ZFHX3: variants seen among roughly 807,000 people sequenced by gnomAD.
ZFHX3 encodes zinc finger homeobox protein 3.
Under a neutral mutation model 279.1 loss-of-function variants are expected in ZFHX3, and 42 were observed. The observed-to-expected ratio is 0.15, with a 90% CI of 0.12 to 0.19. The LOEUF is 0.19. Ranked by LOEUF, ZFHX3 falls within the 10% of genes least tolerant of loss-of-function variation. The pLI is 1.00. For synonymous variants in ZFHX3, 2,293 were observed against 1,957.8 expected, an observed-to-expected ratio of 1.17 and a Z score of -4.52; for missense variants, 4,981 against 4,754.0, an observed-to-expected ratio of 1.05 and a Z score of -1.40.
intron 4 of ZFHX3, among the ~76,000 whole-genome samples, chr16:72,859,586 G>T (rs1381698400): frequency 6.6e-6 from 1 of 152,154 alleles, no homozygotes; most frequent in South Asian, 2.1e-4. Context: ...AGACGTTTAG[G>T]GATTTGAAAT....
intron 1 of ZFHX3, among the ~76,000 whole-genome samples, chr16:73,761,275 CA>C (rs2053863343): frequency 6.6e-6 from 1 of 151,998 alleles, no homozygotes; most frequent in Non-Finnish European, 1.5e-5. Flanking sequence ...ATACAGCTAA[CA>C]GGGGAAGTGA....
chr16:73,218,092 A>G (rs969016673), intron 5 of ZFHX3, among the ~76,000 whole-genome samples: 2 of 152,088 alleles, frequency 1.3e-5, no homozygotes, highest in African/African-American at 2.4e-5. Flanking sequence ...CAGTGATTCC[A>G]TATTTAGTGT....
chr16:73,831,972 C>T lies in ZFHX3; in HGVS notation c.-1608+59679G>A, dbSNP rs1421977851. Among the ~76,000 whole-genome samples, 5 of 152,300 alleles carry T rather than the reference C, an allele frequency of 3.3e-5. No homozygotes were observed. In the East Asian group the frequency reaches 9.7e-4, roughly 29 times the overall value. On this transcript the variant is annotated intron_variant, in intron 1 of 17. Transcript: ENST00000641206. The stretch of plus-strand genomic sequence containing the variant: ...CTGGAGTGCAGTGGCATGATCTTGG[C>T]TCACTGCAACCTCTGCCGCCCGGGT...
Position 72,941,015 on chromosome 16 carries a change from T to C in ZFHX3, c.3216+9454A>G, listed in dbSNP as rs543845972. Among the ~76,000 whole-genome samples, 6 of 152,346 alleles carry C rather than the reference T, an allele frequency of 3.9e-5. No individual in the cohort carries two copies. In the South Asian group the frequency reaches 1.2e-3, roughly 32 times the overall value. ...AATGCTCACGTGCTGTGAATTTTCA[T>C]GGTCTACATATAAGTAACCAGTGCA... On this transcript the variant is annotated intron_variant, in intron 3 of 9. Transcript: ENST00000268489.
chr16:73,521,153 C>A (rs1279608466), intron 2 of ZFHX3, among the ~76,000 whole-genome samples: 1 of 152,156 alleles, frequency 6.6e-6, no homozygotes, highest in East Asian at 1.9e-4. Flanking sequence ...CAAGCTTAAA[C>A]TATGTCTTGT....
intron 3 of ZFHX3, among the ~76,000 whole-genome samples, chr16:73,360,013 G>C (rs1323491678): frequency 6.6e-6 from 1 of 152,150 alleles, no homozygotes; most frequent in Non-Finnish European, 1.5e-5. Flanking sequence ...ACATAATGCA[G>C]TGATTGAGTG....
At chr16:73,572,051 A>T (rs2051743790) in intron 2 of ZFHX3, among the ~76,000 whole-genome samples, 1 of 152,124 alleles carries the variant, frequency 6.6e-6, no homozygotes, top group African/African-American at 2.4e-5. Context: ...AGGAGTTTTA[A>T]CACAAGCCTC....
chr16:73,016,677 C>G (rs11860416), intron 1 of ZFHX3, among the ~76,000 whole-genome samples: 8,601 of 152,096 alleles, frequency 0.057, 578 homozygotes, highest in East Asian at 0.3. Context: ...AGCCCTTACA[C>G]CAGAGTTGAC....
intron 1 of ZFHX3, among the ~76,000 whole-genome samples, chr16:72,996,636 C>T (rs916093590): frequency 3.9e-5 from 6 of 152,210 alleles, no homozygotes; most frequent in African/African-American, 1.4e-4. Context: ...GGGCTGGGGG[C>T]GTGGGAACCC....
chr16:73,429,924 G>A (rs1177506035), intron 3 of ZFHX3, among the ~76,000 whole-genome samples: 1 of 152,110 alleles, frequency 6.6e-6, no homozygotes, highest in Admixed American at 6.5e-5. Context: ...GCCTTGCTCT[G>A]TCGCCCAGGC....
intron 1 of ZFHX3, among the ~76,000 whole-genome samples, chr16:73,839,724 C>T (rs1000414538): frequency 2.6e-5 from 4 of 152,158 alleles, no homozygotes; most frequent in Admixed American, 1.3e-4. Flanking sequence ...ATGGTTCCTC[C>T]GCACCCGTGA....
At chr16:72,933,493 AC>A (rs1364796467) in intron 3 of ZFHX3, among the ~76,000 whole-genome samples, 2 of 152,126 alleles carry the variant, frequency 1.3e-5, no homozygotes, top group Non-Finnish European at 2.9e-5. Flanking sequence ...AAAAAATCAT[AC>A]AGTAGACACT....
At position 73,432,387 on chromosome 16, in the gene ZFHX3, T is replaced by C. The variant is rs544655179; in HGVS notation, c.-1291+23616A>G. ...AGACTGGATATTGAAACAGACAATA[T>C]AAAGCAGATCAATTGGAGTGAGACT... On this transcript the variant is annotated intron_variant, in intron 3 of 17. Coordinates refer to the ZFHX3 transcript ENST00000641206. Among the ~76,000 whole-genome samples, 42 of 152,194 alleles carry C rather than the reference T, an allele frequency of 2.8e-4. 1 individual carries two copies. The highest frequency in any genetic ancestry group is 9.4e-4 in the African/African-American group (39 of 41,524).
rs2035443638 is a variant in ZFHX3 at position 72,787,410 on chromosome 16, G to A, written c.10866C>T (p.Ser3622=). The change falls in exon 10 of 10, where the codon TCC becomes TCT. Residue 3622 remains serine (S), a synonymous_variant. Coordinates refer to ENST00000268489, the MANE Select transcript of ZFHX3 (RefSeq NM_006885.4). ...AAGGGGGCTTCGCTGCCGAAGCCCG[G>A]GAGACCACTTGCGGCCAAGACTTCC... The part of the protein sequence containing the change: ...ASRKSWPQVV[S]RASAAKPPSF... 1.9e-6 allele frequency: 3 copies of A among 1,603,788 alleles called. No individual in the cohort carries two copies. In the African/African-American group the frequency reaches 4.0e-5, roughly 22 times the overall value.
At chr16:73,860,447 C>A (rs1028826207) in intron 1 of ZFHX3, among the ~76,000 whole-genome samples, 1 of 150,774 alleles carries the variant, frequency 6.6e-6, no homozygotes, top group African/African-American at 2.4e-5. Flanking sequence ...TAGTAAAGCA[C>A]TTGAGTTCTA....
intron 5 of ZFHX3, among the ~76,000 whole-genome samples, chr16:72,823,136 T>A (rs1353627710): frequency 6.6e-6 from 1 of 152,038 alleles, no homozygotes; most frequent in Non-Finnish European, 1.5e-5. Flanking sequence ...CTGGAAAAGG[T>A]GACACAGTCA....
At chr16:73,702,213 G>C (rs2053255290) in intron 1 of ZFHX3, among the ~76,000 whole-genome samples, 1 of 152,076 alleles carries the variant, frequency 6.6e-6, no homozygotes. Flanking sequence ...GGTGGCAAAA[G>C]ACTGCCATAG....
Position 73,240,617 on chromosome 16 carries a change from A to G in ZFHX3, c.-1104+16430T>C, listed in dbSNP as rs552877719. 3.8e-4 allele frequency among the ~76,000 whole-genome samples: 58 copies of G among 152,182 alleles called. 1 individual carries two copies. The highest frequency in any genetic ancestry group is 5.1e-4 in the Non-Finnish European group (35 of 68,026). ...ACACTTGTTTATAGTATGAGAGATA[A>G]AACAGGAAGCAGACCCTTATTTGAC... On this transcript the variant is annotated intron_variant, in intron 5 of 17. Coordinates refer to the ZFHX3 transcript ENST00000641206.
intron 1 of ZFHX3, among the ~76,000 whole-genome samples, chr16:72,991,494 T>C (rs1183896314): frequency 1.3e-5 from 2 of 152,200 alleles, no homozygotes; most frequent in African/African-American, 4.8e-5. Context: ...AGTTCATCAC[T>C]CATATGATGG....
Sources: gnomAD v4.1 joint callset for allele counts (sites outside exome capture counted in the v4.1 genomes callset) on GRCh38, gnomAD v4.1.1 for gene constraint, MANE v1.5 for transcripts, NCBI Gene and HGNC (gene_info 2026-07-23, HGNC 2026-07-21) for gene names.